Variants in CDH13 observed in about 807,000 individuals in gnomAD.
The protein encoded by CDH13 is cadherin 13.
In CDH13, 24 loss-of-function variants were observed where a neutral mutation model predicts 63.8. That is an observed-to-expected ratio of 0.38 (90% CI 0.27 to 0.53). The LOEUF (loss-of-function observed/expected upper bound fraction) is 0.53. Ranked by LOEUF, CDH13 falls within the 20% of genes least tolerant of loss-of-function variation. The pLI is 0.85. For synonymous variants in CDH13, 503 were observed against 355.3 expected, an observed-to-expected ratio of 1.42 and a Z score of -4.67; for missense variants, 1,049 against 903.1, an observed-to-expected ratio of 1.16 and a Z score of -2.07.
chr16:82,858,624 T>C, intron 2 of CDH13, 151 bp downstream of exon 2: 1 of 696,116 alleles, frequency 1.4e-6, no homozygotes, highest in Non-Finnish European at 2.6e-6. Flanking sequence ...GTGGAAATTC[T>C]TGAATGAGGG....
At chr16:83,532,875 G>C (rs914895914) in intron 7 of CDH13, among the ~76,000 whole-genome samples, 29 of 152,192 alleles carry the variant, frequency 1.9e-4, no homozygotes, top group African/African-American at 7.0e-4. Context: ...ACGGAATTCA[G>C]CAGTGCCACG....
At position 82,866,835 on chromosome 16, in the gene CDH13, G is replaced by T. The variant is rs112876048; in HGVS notation, c.157+8362G>T. Reference sequence around the variant, plus strand: ...GCCCTTTATAAAACCATCAGTTCTCGTGAGAACTCACTATCACGAGAGCAG... The same window carrying T: ...GCCCTTTATAAAACCATCAGTTCTCTTGAGAACTCACTATCACGAGAGCAG... On this transcript the variant is annotated intron_variant, in intron 2 of 13. Transcript: ENST00000567109. 8.4e-3 allele frequency among the ~76,000 whole-genome samples: 1,282 copies of T among 152,176 alleles called. 17 individuals carry two copies. Among genetic ancestry groups the T allele is most frequent in the African/African-American group, 0.028 (1,159 of 41,480 alleles).
chr16:82,795,947 T>C (rs2036561176), intron 1 of CDH13, among the ~76,000 whole-genome samples: 1 of 146,276 alleles, frequency 6.8e-6, no homozygotes, highest in Non-Finnish European at 1.5e-5. Context: ...CTTCATTCTT[T>C]TTTTTTTTTT....
intron 5 of CDH13, among the ~76,000 whole-genome samples, chr16:83,331,976 G>A (rs1316737714): frequency 6.6e-6 from 1 of 152,064 alleles, no homozygotes; most frequent in African/African-American, 2.4e-5. Context: ...TTCTACAAGT[G>A]AAATTTTCAA....
chr16:82,908,471 C>T (rs1313950597), intron 2 of CDH13, among the ~76,000 whole-genome samples: 3 of 152,172 alleles, frequency 2.0e-5, no homozygotes, highest in African/African-American at 7.2e-5. Flanking sequence ...ACACAGGGGC[C>T]ACCTGCCCAG....
At chr16:83,159,931 C>G (rs2151709001) in intron 4 of CDH13, among the ~76,000 whole-genome samples, 2 of 152,108 alleles carry the variant, frequency 1.3e-5, no homozygotes, top group Middle Eastern at 6.8e-3. Context: ...AAAAAATTAG[C>G]CGGGCATGGT....
rs532472150 is a variant in CDH13, at chr16:83,608,968, G to T, written c.1101+6374G>T. On this transcript the variant is annotated intron_variant, in intron 8 of 13. Coordinates refer to ENST00000567109, the MANE Select transcript of CDH13 (RefSeq NM_001257.5). ...TAGAAATATAAGAACAAAAGGTATA[G>T]GCTTTCTTCTAGCAGGGTTGATAGA... is the stretch of plus-strand genomic sequence containing the variant. Among the ~76,000 whole-genome samples the T allele has an allele frequency of 2.6e-5, 4 of 152,208 alleles. No individual in the cohort carries two copies. In the South Asian group the frequency reaches 8.3e-4, roughly 32 times the overall value.
At chr16:83,237,465 C>T (rs903753693) in intron 5 of CDH13, among the ~76,000 whole-genome samples, 17 of 152,332 alleles carry the variant, frequency 1.1e-4, no homozygotes, top group Middle Eastern at 3.4e-3. Context: ...ATAACTGCAC[C>T]GTCCAATAAG....
chr16:82,814,961 C>CTTGGTGTCAAAACTG (rs1473548577), intron 1 of CDH13, among the ~76,000 whole-genome samples: 1 of 152,150 alleles, frequency 6.6e-6, no homozygotes, highest in Non-Finnish European at 1.5e-5. Context: ...CCCACTCATA[C>CTTGGTGTCAAAACTG]TTGGTGTCAA....
At chr16:83,009,734 G>A (rs771038740) in intron 2 of CDH13, among the ~76,000 whole-genome samples, 79 of 152,192 alleles carry the variant, frequency 5.2e-4, no homozygotes, top group Non-Finnish European at 1.1e-3. Context: ...AGCTGTACAA[G>A]CATTTAGGAG....
chr16:83,439,530 A>G (rs2072422076), intron 6 of CDH13, among the ~76,000 whole-genome samples: 1 of 152,224 alleles, frequency 6.6e-6, no homozygotes. Flanking sequence ...TAGTTCTATG[A>G]CCAGTGCTAA....
At chr16:83,730,700 G>C (rs1296315863) in intron 10 of CDH13, among the ~76,000 whole-genome samples, 1 of 152,102 alleles carries the variant, frequency 6.6e-6, no homozygotes, top group Non-Finnish European at 1.5e-5. Context: ...GGGGGTCCAT[G>C]GGCAGGTTTA....
At chr16:83,550,810 G>T (rs1294874688) in intron 7 of CDH13, among the ~76,000 whole-genome samples, 3 of 152,064 alleles carry the variant, frequency 2.0e-5, no homozygotes, top group South Asian at 2.1e-4. Flanking sequence ...CCTTCCTTAG[G>T]CTGTTTTACT....
intron 3 of CDH13, among the ~76,000 whole-genome samples, chr16:83,060,451 C>T (rs1479343414): frequency 2.0e-5 from 3 of 152,150 alleles, no homozygotes; most frequent in East Asian, 1.9e-4. Flanking sequence ...TAGAGTCTTC[C>T]TGATGTTTAC....
chr16:83,493,419 C>A (rs766362755), intron 7 of CDH13, among the ~76,000 whole-genome samples: 1 of 152,188 alleles, frequency 6.6e-6, no homozygotes, highest in Non-Finnish European at 1.5e-5. Flanking sequence ...ACTCATGGTG[C>A]TGGATATCAG....
intron 2 of CDH13, among the ~76,000 whole-genome samples, chr16:82,890,528 C>T (rs769615828): frequency 2.0e-5 from 3 of 152,148 alleles, no homozygotes; most frequent in Admixed American, 6.5e-5. Flanking sequence ...TGAAATTATT[C>T]CATCAGGATA....
chr16:83,125,681 T>C (rs1466733387), intron 4 of CDH13, among the ~76,000 whole-genome samples, 180 bp downstream of exon 4: 1 of 152,094 alleles, frequency 6.6e-6, no homozygotes, highest in African/African-American at 2.4e-5. Flanking sequence ...AAAGAGGAAA[T>C]TGGAAAAAAC....
intron 2 of CDH13, among the ~76,000 whole-genome samples, chr16:82,904,623 T>C (rs1000029410): frequency 6.6e-6 from 1 of 152,184 alleles, no homozygotes; most frequent in Non-Finnish European, 1.5e-5. Flanking sequence ...GAGTCAGTCA[T>C]AGTACATGTG....
chr16:83,360,543 G>A (rs902033510), intron 6 of CDH13, among the ~76,000 whole-genome samples: 1 of 151,690 alleles, frequency 6.6e-6, no homozygotes, highest in African/African-American at 2.4e-5. Context: ...CTGACGCTTT[G>A]AGTATGATTG....
Sources: gnomAD v4.1 joint callset for allele counts (sites outside exome capture counted in the v4.1 genomes callset) on GRCh38, gnomAD v4.1.1 for gene constraint, MANE v1.5 for transcripts, NCBI Gene and HGNC (gene_info 2026-07-23, HGNC 2026-07-21) for gene names.